DPP10: variants seen among roughly 807,000 people sequenced by gnomAD.
The protein encoded by DPP10 is inactive dipeptidyl peptidase 10.
DPP10 carries 33 observed loss-of-function variants against 120.9 expected under a neutral mutation model. The ratio of observed to expected loss-of-function variants is 0.27; its 90% CI spans 0.21 to 0.37. The LOEUF is 0.37. Among genes scored for constraint, DPP10 ranks in the 10% least tolerant of loss-of-function variants. The pLI, the probability that DPP10 is intolerant of heterozygous loss-of-function variation, is 1.00. For missense variants in DPP10, 816 were observed against 942.8 expected, an observed-to-expected ratio of 0.87 and a Z score of 1.76; for synonymous variants, 337 against 326.1, an observed-to-expected ratio of 1.03 and a Z score of -0.36.
intron 1 of DPP10, among the ~76,000 whole-genome samples, chr2:114,786,893 A>G (rs1253548278): frequency 6.6e-6 from 1 of 152,080 alleles, no homozygotes. Flanking sequence ...AACCATTCTA[A>G]TCACACAATT....
At chr2:115,160,929 G>A (rs191172575) in intron 1 of DPP10, among the ~76,000 whole-genome samples, 95 of 152,290 alleles carry the variant, frequency 6.2e-4, no homozygotes, top group African/African-American at 2.1e-3. Context: ...TTGGCACGTG[G>A]TAGGTGCTCG....
At chr2:114,569,069 A>G (rs1269854030) in intron 1 of DPP10, among the ~76,000 whole-genome samples, 2 of 152,186 alleles carry the variant, frequency 1.3e-5, no homozygotes, top group Non-Finnish European at 1.5e-5. Context: ...CTCATCTTAT[A>G]TGTTAATAGT....
chr2:114,533,176 T>C (rs1055661901), intron 1 of DPP10, among the ~76,000 whole-genome samples: 2 of 152,178 alleles, frequency 1.3e-5, no homozygotes, highest in African/African-American at 4.8e-5. Context: ...TCAGTGCATC[T>C]GACTCTTGGG....
intron 11 of DPP10, among the ~76,000 whole-genome samples, chr2:115,755,127 A>G (rs1360894358): frequency 1.3e-5 from 2 of 152,118 alleles, no homozygotes; most frequent in Non-Finnish European, 2.9e-5. Context: ...AGAGGCAACT[A>G]CTATTCTGAG....
At chr2:115,345,082 C>T (rs1198080887) in intron 3 of DPP10, among the ~76,000 whole-genome samples, 3 of 152,040 alleles carry the variant, frequency 2.0e-5, no homozygotes, top group Admixed American at 6.6e-5. Flanking sequence ...TGCAGGCACT[C>T]GAGATTGGTT....
intron 3 of DPP10, among the ~76,000 whole-genome samples, chr2:115,496,704 T>C (rs1013564206): frequency 2.0e-5 from 3 of 152,126 alleles, no homozygotes; most frequent in Admixed American, 6.6e-5. Flanking sequence ...AATTCTGCAT[T>C]GTGCTTGTGT....
At chr2:114,859,406 T>C (rs1357805473) in intron 1 of DPP10, among the ~76,000 whole-genome samples, 1 of 151,910 alleles carries the variant, frequency 6.6e-6, no homozygotes, top group Non-Finnish European at 1.5e-5. Context: ...AGAAATTATT[T>C]AGTTAATCAC....
intron 1 of DPP10, among the ~76,000 whole-genome samples, chr2:114,529,143 G>A (rs1685747577): frequency 2.0e-5 from 3 of 151,982 alleles, no homozygotes; most frequent in Admixed American, 2.0e-4. Flanking sequence ...TTGGTAAACT[G>A]CCCCTCTCCT....
At chr2:114,573,701 G>C (rs143912965) in intron 1 of DPP10, among the ~76,000 whole-genome samples, 84 of 152,278 alleles carry the variant, frequency 5.5e-4, no homozygotes, top group African/African-American at 1.8e-3. Context: ...TCTTGATCTT[G>C]TTAGGGCACT....
At chr2:114,511,256 A>G (rs1480409759) in intron 1 of DPP10, among the ~76,000 whole-genome samples, 2 of 152,246 alleles carry the variant, frequency 1.3e-5, no homozygotes, top group African/African-American at 2.4e-5. Flanking sequence ...TTAGCCTTGA[A>G]TATTCTTTTG....
chr2:115,292,036 C>T (rs1415057034), intron 1 of DPP10, among the ~76,000 whole-genome samples: 1 of 152,026 alleles, frequency 6.6e-6, no homozygotes, highest in Non-Finnish European at 1.5e-5. Context: ...TTAAAATATC[C>T]AATACAGGCA....
intron 1 of DPP10, among the ~76,000 whole-genome samples, chr2:114,514,620 C>T (rs1332503915): frequency 4.6e-5 from 7 of 152,122 alleles, no homozygotes; most frequent in Admixed American, 1.3e-4. Context: ...GATTTTGCCT[C>T]AAACTTTGCC....
chr2:115,252,233 A>G (rs1023981128), intron 1 of DPP10, among the ~76,000 whole-genome samples: 3 of 152,310 alleles, frequency 2.0e-5, no homozygotes, highest in Admixed American at 1.3e-4. Flanking sequence ...TTTGTTCAAT[A>G]AACTGTTGAT....
intron 1 of DPP10, among the ~76,000 whole-genome samples, chr2:115,169,965 AG>A (rs2053195282): frequency 2.0e-5 from 3 of 152,168 alleles, no homozygotes; most frequent in Non-Finnish European, 2.9e-5. Context: ...ATTCCATCTG[AG>A]AAAGTCTGCT....
At chr2:114,724,804 C>T (rs1385927916) in intron 1 of DPP10, among the ~76,000 whole-genome samples, 3 of 152,080 alleles carry the variant, frequency 2.0e-5, no homozygotes, top group Non-Finnish European at 4.4e-5. Context: ...TTGTAGTGAT[C>T]TGGGTTATAA....
At chr2:115,727,995 A>T (rs62155338) in intron 8 of DPP10, 59 bp downstream of exon 8, 2 of 1,545,080 alleles carry the variant, frequency 1.3e-6, no homozygotes, top group Non-Finnish European at 1.7e-6. Context: ...TACAAAATCT[A>T]CCAAAAAAAA....
At chr2:115,419,660 C>T (rs1467089042) in intron 3 of DPP10, among the ~76,000 whole-genome samples, 1 of 151,986 alleles carries the variant, frequency 6.6e-6, no homozygotes, top group Non-Finnish European at 1.5e-5. Flanking sequence ...GCACAGTGCC[C>T]AATTTATTAA....
At chr2:115,376,267 A>G (rs922185263) in intron 3 of DPP10, among the ~76,000 whole-genome samples, 2 of 152,214 alleles carry the variant, frequency 1.3e-5, no homozygotes, top group Admixed American at 6.5e-5. Flanking sequence ...ACAGCCTAGA[A>G]TACGAATTTC....
chr2:115,216,666 C>T (rs1025193088), intron 1 of DPP10, among the ~76,000 whole-genome samples: 1 of 151,918 alleles, frequency 6.6e-6, no homozygotes, highest in African/African-American at 2.4e-5. Context: ...CACCTATAAT[C>T]ACAGCTACTC....
Sources: allele counts gnomAD v4.1 joint callset (sites outside exome capture counted in the v4.1 genomes callset), GRCh38; gene constraint gnomAD v4.1.1; transcripts MANE v1.5; gene names NCBI Gene and HGNC (gene_info 2026-07-23, HGNC 2026-07-21).